Variants in PATJ observed in about 807,000 individuals in gnomAD.
The protein encoded by PATJ is PATJ crumbs cell polarity complex component.
Under a neutral mutation model 224.9 loss-of-function variants are expected in PATJ, and 190 were observed. That is an observed-to-expected ratio of 0.84 (90% CI 0.75 to 0.95). PATJ has a LOEUF of 0.95. Ranked by LOEUF, PATJ falls within the 40% of genes least tolerant of loss-of-function variation. The pLI is 0.00. For missense variants in PATJ, 2,121 were observed against 2,270.3 expected, an observed-to-expected ratio of 0.93 and a Z score of 1.34; for synonymous variants, 769 against 820.3, an observed-to-expected ratio of 0.94 and a Z score of 1.07.
intron 27 of PATJ, among the ~76,000 whole-genome samples, chr1:61,940,518 C>T (rs1298672834): frequency 1.3e-5 from 2 of 152,020 alleles, no homozygotes; most frequent in Non-Finnish European, 1.5e-5. Context: ...AGATTGAGAC[C>T]ATCCTGGTCA....
chr1:62,155,257 G>A (rs931087069), intron 43 of PATJ, among the ~76,000 whole-genome samples: 2 of 152,158 alleles, frequency 1.3e-5, no homozygotes, highest in African/African-American at 4.8e-5. Flanking sequence ...CATGATAACT[G>A]GATACAGACA....
chr1:62,158,699 C>T (rs146975267), intron 43 of PATJ, among the ~76,000 whole-genome samples: 1,430 of 126,836 alleles, frequency 0.011, 22 homozygotes, highest in African/African-American at 0.031. Context: ...CCAGCCTGGG[C>T]GACAGAGCGA....
chr1:61,863,224 C>T lies in PATJ; in HGVS notation c.2440-1014C>T, dbSNP rs112647995. On this transcript the variant is annotated intron_variant, in intron 19 of 43. Coordinates refer to ENST00000642238, the MANE Select transcript of PATJ (RefSeq NM_001350145.3). Reference sequence around the variant, plus strand: ...TAATTTTTAAATTTTTTTGTAGAGACGGGGGCTCACTATATTGCCCAGCCT... The same window carrying T: ...TAATTTTTAAATTTTTTTGTAGAGATGGGGGCTCACTATATTGCCCAGCCT... Among the ~76,000 whole-genome samples the T allele has an allele frequency of 3.0e-3, 452 of 151,488 alleles. 7 individuals are homozygous for T. Among genetic ancestry groups the T allele is most frequent in the African/African-American group, 0.01 (432 of 41,344 alleles).
rs75847989 is a variant in PATJ, at chr1:62,043,699, G to A, written c.4032+5650G>A. ...TGTATATATTTATCATATACAACAT[G>A]ATGGGTTTTTTTGTTTGGTTTTGGT... On this transcript the variant is annotated intron_variant, in intron 30 of 43. Transcript: ENST00000642238. Among the ~76,000 whole-genome samples, 447 of 149,172 alleles carry A rather than the reference G, an allele frequency of 3.0e-3. 4 individuals carry two copies. Among genetic ancestry groups the A allele is most frequent in the African/African-American group, 0.01 (428 of 40,988 alleles).
intron 16 of PATJ, among the ~76,000 whole-genome samples, chr1:61,831,549 CA>C (rs1557723821): frequency 6.6e-6 from 1 of 152,200 alleles, no homozygotes; most frequent in African/African-American, 2.4e-5. Flanking sequence ...CAAAAGAAGA[CA>C]TATACGTGGC....
chr1:62,110,318 G>C (rs2148877387), intron 34 of PATJ, among the ~76,000 whole-genome samples: 1 of 152,322 alleles, frequency 6.6e-6, no homozygotes, highest in South Asian at 2.1e-4. Context: ...GTGTGATGAG[G>C]CATCGGCAGC....
Position 61,766,432 on chromosome 1 carries a change from G to C in PATJ, c.343G>C (p.Gly115Arg). Residue 115 changes from glycine (G) to arginine (R), a missense_variant, in exon 4 of 44, where the codon GGA (glycine) becomes CGA (arginine). Gly to Arg is a moderately radical substitution (Grantham distance 125, BLOSUM62 -2). Coordinates refer to ENST00000642238, the MANE Select transcript of PATJ (RefSeq NM_001350145.3). ...SGLFPWTPKL[G>R]NEDFNSVIQQ... ...GTTATTTCCGTGGACCCCGAAGTTG[G>C]GAAATGAAGACTTTAACTCAGTCAT... 6.2e-7 allele frequency: 1 copy of C among 1,608,998 alleles called. No homozygotes were observed. Among genetic ancestry groups the C allele is most frequent in the Non-Finnish European group, 8.5e-7 (1 of 1,178,588 alleles).
At chr1:61,745,597 TTTAA>T (rs1410401140) in intron 1 of PATJ, among the ~76,000 whole-genome samples, 12 of 148,528 alleles carry the variant, frequency 8.1e-5, no homozygotes, top group African/African-American at 3.0e-4. Context: ...TTTATTTTAT[TTTAA>T]TTAATTAATT....
At chr1:62,075,915 C>A (rs1397596180) in intron 31 of PATJ, among the ~76,000 whole-genome samples, 2 of 139,702 alleles carry the variant, frequency 1.4e-5, no homozygotes, top group Non-Finnish European at 1.5e-5. Context: ...GAGACTCCGT[C>A]TCAAAAAAAA....
chr1:62,019,778 T>C (rs17122925), intron 29 of PATJ, among the ~76,000 whole-genome samples: 19,963 of 151,586 alleles, frequency 0.13, 1,431 homozygotes, highest in Middle Eastern at 0.24. Context: ...AAAACTTGAG[T>C]AGACTTTGAA....
At chr1:61,826,966 T>A (rs1361455517) in intron 15 of PATJ, among the ~76,000 whole-genome samples, 3 of 152,232 alleles carry the variant, frequency 2.0e-5, no homozygotes, top group African/African-American at 4.8e-5. Context: ...AACATTTTTT[T>A]AACATCCTTA....
intron 34 of PATJ, 90 bp from the exon 35 acceptor site, chr1:62,113,963 C>A: frequency 7.8e-7 from 1 of 1,285,054 alleles, no homozygotes; most frequent in Non-Finnish European, 1.1e-6. Context: ...TCTAGAGATT[C>A]TTTACTGGTT....
intron 27 of PATJ, among the ~76,000 whole-genome samples, chr1:61,989,384 G>A (rs1473849812): frequency 6.6e-6 from 1 of 152,124 alleles, no homozygotes; most frequent in Non-Finnish European, 1.5e-5. Flanking sequence ...TGAGTAAATG[G>A]TAGATTTGTG....
At chr1:61,871,557 A>ATAT (rs1666605111) in intron 20 of PATJ, among the ~76,000 whole-genome samples, 6 of 55,066 alleles carry the variant, frequency 1.1e-4, no homozygotes, top group Non-Finnish European at 1.7e-4. Context: ...ATATATATAT[A>ATAT]TTTTTTTTTT....
chr1:62,131,955 T>A (rs1394635722), intron 41 of PATJ, among the ~76,000 whole-genome samples: 1 of 151,636 alleles, frequency 6.6e-6, no homozygotes, highest in African/African-American at 2.4e-5. Flanking sequence ...TTCAAGCAAG[T>A]CTCCTGCCTC....
At chr1:61,920,702 CTTTTTTT>C (rs71582652) in intron 26 of PATJ, among the ~76,000 whole-genome samples, 5 of 89,508 alleles carry the variant, frequency 5.6e-5, no homozygotes, top group South Asian at 4.4e-4. Flanking sequence ...GTATGGAATT[CTTTTTTT>C]TTTTTTTTTT....
intron 1 of PATJ, among the ~76,000 whole-genome samples, chr1:61,753,403 TATATC>T (rs925654829): frequency 6.6e-6 from 1 of 152,154 alleles, no homozygotes; most frequent in African/African-American, 2.4e-5. Flanking sequence ...TCAGGTTAGA[TATATC>T]ATATGTCTTA....
Position 61,869,163 on chromosome 1 carries a change from G to A in PATJ, c.2835+4530G>A, listed in dbSNP as rs1487470137. 2.5e-4 allele frequency among the ~76,000 whole-genome samples: 34 copies of A among 138,510 alleles called. 1 individual carries two copies. Among genetic ancestry groups the A allele is most frequent in the East Asian group, 6.4e-4 (3 of 4,670 alleles). The allele number at this position is 138,510 out of a possible 152,430, so 90.9% of individuals were successfully genotyped here. A position where few individuals can be genotyped will look rare whatever the true frequency, so the allele number is the denominator to read the frequency against. On this transcript the variant is annotated intron_variant, in intron 20 of 43. Coordinates refer to ENST00000642238, the MANE Select transcript of PATJ (RefSeq NM_001350145.3). The stretch of plus-strand genomic sequence containing the variant: ...GCTCTGTCGCCCAGGCTGGAGTGCA[G>A]TGGCGCCATCTCGGCTCACTGCAAG...
chr1:62,103,164 C>A (rs1662437401), intron 33 of PATJ, among the ~76,000 whole-genome samples: 1 of 152,140 alleles, frequency 6.6e-6, no homozygotes, highest in South Asian at 2.1e-4. Flanking sequence ...CCCAAGCTAG[C>A]TTTTGTACAA....
Sources: gnomAD v4.1 joint callset for allele counts (sites outside exome capture counted in the v4.1 genomes callset) on GRCh38, gnomAD v4.1.1 for gene constraint, MANE v1.5 for transcripts, NCBI Gene and HGNC (gene_info 2026-07-23, HGNC 2026-07-21) for gene names.